CDH13: variants seen among roughly 807,000 people sequenced by gnomAD.
CDH13 encodes cadherin 13.
CDH13 carries 24 observed loss-of-function variants against 63.8 expected under a neutral mutation model. That is an observed-to-expected ratio of 0.38 (90% CI 0.27 to 0.53). The LOEUF (loss-of-function observed/expected upper bound fraction) is 0.53, where lower values mean the gene tolerates loss of function less well. Among genes scored for constraint, CDH13 ranks in the 20% least tolerant of loss-of-function variants. CDH13 has a pLI of 0.85. For missense variants in CDH13, 1,049 were observed against 903.1 expected, an observed-to-expected ratio of 1.16 and a Z score of -2.07; for synonymous variants, 503 against 355.3, an observed-to-expected ratio of 1.42 and a Z score of -4.67.
chr16:83,672,512 C>T (rs1489249777), intron 9 of CDH13, among the ~76,000 whole-genome samples: 3 of 147,284 alleles, frequency 2.0e-5, no homozygotes, highest in East Asian at 2.0e-4. Context: ...GCAACCTCCA[C>T]CTCCTGGGTT....
At chr16:83,441,766 C>G (rs1313486648) in intron 6 of CDH13, among the ~76,000 whole-genome samples, 2 of 152,036 alleles carry the variant, frequency 1.3e-5, no homozygotes, top group Admixed American at 6.5e-5. Flanking sequence ...CCTGGTGGAG[C>G]CCTATGAGTA....
chr16:82,956,767 T>C (rs1237505065), intron 2 of CDH13, among the ~76,000 whole-genome samples: 1 of 152,222 alleles, frequency 6.6e-6, no homozygotes, highest in Non-Finnish European at 1.5e-5. Flanking sequence ...TTGCATAAGA[T>C]GAGCTTTGAA....
At chr16:83,141,046 T>A (rs1278747679) in intron 4 of CDH13, among the ~76,000 whole-genome samples, 3 of 152,246 alleles carry the variant, frequency 2.0e-5, no homozygotes, top group Non-Finnish European at 4.4e-5. Flanking sequence ...ACTATTTCCC[T>A]TCCTGTTGCA....
chr16:83,594,701 T>C (rs1460111368), intron 7 of CDH13, among the ~76,000 whole-genome samples: 1 of 152,208 alleles, frequency 6.6e-6, no homozygotes, highest in African/African-American at 2.4e-5. Context: ...AAAACCTTTT[T>C]CCACATCACA....
chr16:82,864,312 G>A (rs578115142), intron 2 of CDH13, among the ~76,000 whole-genome samples: 1 of 152,298 alleles, frequency 6.6e-6, no homozygotes, highest in African/African-American at 2.4e-5. Context: ...ACAATCATAT[G>A]CATGTTAGGA....
At chr16:83,159,305 C>G (rs2037348336) in intron 4 of CDH13, among the ~76,000 whole-genome samples, 1 of 152,140 alleles carries the variant, frequency 6.6e-6, no homozygotes, top group African/African-American at 2.4e-5. Flanking sequence ...AAAAATAAAG[C>G]CAATGAAAGA....
rs557980856 is a variant in CDH13, at chr16:82,958,952, A to G, written c.158-73058A>G. 2.6e-5 allele frequency among the ~76,000 whole-genome samples: 4 copies of G among 152,250 alleles called. No homozygotes were observed. In the South Asian group the frequency reaches 6.2e-4, roughly 24 times the overall value. On this transcript the variant is annotated intron_variant, in intron 2 of 13. Transcript: ENST00000567109. ...CCCCCAAGGTTTTCCTGGTGCAGAA[A>G]GAGAAGACTGAAGATCAAATTTACA...
At chr16:83,137,393 A>G (rs1194623420) in intron 4 of CDH13, among the ~76,000 whole-genome samples, 1 of 152,216 alleles carries the variant, frequency 6.6e-6, no homozygotes, top group African/African-American at 2.4e-5. Flanking sequence ...ATTCTCTGTG[A>G]AGTGAGGAGA....
intron 1 of CDH13, among the ~76,000 whole-genome samples, chr16:82,656,841 A>G (rs1468956598): frequency 1.3e-5 from 2 of 151,534 alleles, no homozygotes; most frequent in Non-Finnish European, 2.9e-5. Flanking sequence ...TATAGTATGT[A>G]GCCTTTTCAA....
At chr16:83,729,875 G>A (rs1301447823) in intron 10 of CDH13, among the ~76,000 whole-genome samples, 1 of 152,164 alleles carries the variant, frequency 6.6e-6, no homozygotes, top group African/African-American at 2.4e-5. Flanking sequence ...TGTATGTCAA[G>A]CCCTGTGAAA....
At chr16:83,703,919 A>G (rs1274233017) in intron 10 of CDH13, among the ~76,000 whole-genome samples, 1 of 152,226 alleles carries the variant, frequency 6.6e-6, no homozygotes, top group African/African-American at 2.4e-5. Context: ...ATTCAACTGC[A>G]CAAAATATGT....
At position 83,602,530 on chromosome 16, in the gene CDH13, C is replaced by T. The variant is rs369061890; in HGVS notation, c.1037C>T (p.Thr346Met). The T allele has an allele frequency of 1.6e-5, 26 of 1,613,754 alleles. No homozygotes were observed. Among genetic ancestry groups the T allele is most frequent in the African/African-American group, 2.7e-5 (2 of 74,908 alleles). The part of the protein sequence containing the change: ...MAGLDVGLTG[T>M]ATATIMIDDK... ...GGACTGGATGTTGGATTAACAGGCA[C>T]GGCCACAGCCACGATCATGATCGAT... The change falls in exon 8 of 14, where the codon ACG (threonine) becomes ATG (methionine). Residue 346 changes from threonine (T) to methionine (M), a missense_variant. Transcript: ENST00000567109.
intron 5 of CDH13, among the ~76,000 whole-genome samples, chr16:83,326,308 A>G (rs1047597304): frequency 8.6e-5 from 13 of 152,002 alleles, no homozygotes; most frequent in Admixed American, 7.9e-4. Context: ...TCCCATCACT[A>G]TCTTCTCTCT....
At chr16:83,579,198 C>G (rs1175176179) in intron 7 of CDH13, among the ~76,000 whole-genome samples, 1 of 152,190 alleles carries the variant, frequency 6.6e-6, no homozygotes, top group East Asian at 1.9e-4. Context: ...CTGTTACCAC[C>G]TCAGTGAGGC....
At chr16:82,866,624 T>C (rs2040156415) in intron 2 of CDH13, among the ~76,000 whole-genome samples, 1 of 151,974 alleles carries the variant, frequency 6.6e-6, no homozygotes, top group Non-Finnish European at 1.5e-5. Context: ...TAGTCTGTTT[T>C]CATACTGCTG....
chr16:83,373,176 A>G (rs1404039929), intron 6 of CDH13, among the ~76,000 whole-genome samples: 1 of 152,244 alleles, frequency 6.6e-6, no homozygotes, highest in Non-Finnish European at 1.5e-5. Flanking sequence ...CGTGCATAAC[A>G]GCATCCCAAT....
intron 2 of CDH13, among the ~76,000 whole-genome samples, chr16:82,984,766 C>T (rs1025180751): frequency 1.1e-4 from 17 of 152,150 alleles, no homozygotes; most frequent in Admixed American, 9.8e-4. Flanking sequence ...CAGTCAAAAT[C>T]TACTTTTCAG....
chr16:83,626,361 C>T lies in CDH13; in HGVS notation c.1101+23767C>T, dbSNP rs189785627. ...GACCTTCTGTGAATAACATGATTGG[C>T]GTTGTCACCGGGATAACTGCAGGAG... On this transcript the variant is annotated intron_variant, in intron 8 of 13. Transcript: ENST00000567109. Among the ~76,000 whole-genome samples the T allele has an allele frequency of 1.9e-3, 296 of 152,196 alleles. 2 individuals carry two copies. The highest frequency in any genetic ancestry group is 3.2e-3 in the Admixed American group (49 of 15,288).
intron 1 of CDH13, among the ~76,000 whole-genome samples, chr16:82,810,378 G>C (rs1464973854): frequency 6.6e-6 from 1 of 152,126 alleles, no homozygotes; most frequent in Non-Finnish European, 1.5e-5. Flanking sequence ...GCCAGGGAGA[G>C]GTACAGCTAC....
Sources: gnomAD v4.1 joint callset for allele counts (sites outside exome capture counted in the v4.1 genomes callset) on GRCh38, gnomAD v4.1.1 for gene constraint, MANE v1.5 for transcripts, NCBI Gene and HGNC (gene_info 2026-07-23, HGNC 2026-07-21) for gene names.